MEGF11: variants seen among roughly 807,000 people sequenced by gnomAD.
MEGF11 encodes multiple EGF like domains 11.
Under a neutral mutation model 146.6 loss-of-function variants are expected in MEGF11, and 126 were observed. The ratio of observed to expected loss-of-function variants is 0.86; its 90% CI spans 0.74 to 1.00. The LOEUF is 1.00. Ranked by LOEUF, MEGF11 falls within the 50% of genes least tolerant of loss-of-function variation. The probability of loss-of-function intolerance (pLI) is 0.00; values close to 1 mark genes in which losing one functional copy is unlikely to be tolerated. For synonymous variants in MEGF11, 532 were observed against 583.4 expected, an observed-to-expected ratio of 0.91 and a Z score of 1.27; for missense variants, 1,509 against 1,521.2, an observed-to-expected ratio of 0.99 and a Z score of 0.13.
chr15:65,989,248 T>C (rs2141741868), intron 5 of MEGF11, among the ~76,000 whole-genome samples: 1 of 152,296 alleles, frequency 6.6e-6, no homozygotes, highest in East Asian at 1.9e-4. Flanking sequence ...ACAGGAATCC[T>C]GAGACCCAGC....
chr15:66,200,771 G>A (rs1030639373), intron 1 of MEGF11, among the ~76,000 whole-genome samples: 1 of 152,166 alleles, frequency 6.6e-6, no homozygotes, highest in Non-Finnish European at 1.5e-5. Context: ...GACTCCAGCG[G>A]GGTGCAGAAG....
chr15:66,056,472 T>C (rs2084679112), intron 5 of MEGF11, among the ~76,000 whole-genome samples: 1 of 152,186 alleles, frequency 6.6e-6, no homozygotes, highest in Non-Finnish European at 1.5e-5. Flanking sequence ...CCTACCCACA[T>C]GAGCCCGACA....
At chr15:66,244,886 G>A (rs1204519634) in intron 1 of MEGF11, among the ~76,000 whole-genome samples, 1 of 152,128 alleles carries the variant, frequency 6.6e-6, no homozygotes, top group Non-Finnish European at 1.5e-5. Flanking sequence ...TGGGTATAAA[G>A]ACAGATACAC....
intron 1 of MEGF11, among the ~76,000 whole-genome samples, chr15:66,197,515 C>T (rs894172683): frequency 5.9e-5 from 9 of 152,154 alleles, no homozygotes; most frequent in Admixed American, 2.6e-4. Context: ...CTCCGCCTCC[C>T]GGGTTCAAGC....
At chr15:66,246,067 G>C (rs560914685) in intron 1 of MEGF11, among the ~76,000 whole-genome samples, 2 of 151,734 alleles carry the variant, frequency 1.3e-5, no homozygotes, top group East Asian at 3.9e-4. Context: ...TCGAGACCAG[G>C]CCAACACAGT....
chr15:65,960,953 C>G (rs62014449), intron 9 of MEGF11, among the ~76,000 whole-genome samples: 2 of 152,036 alleles, frequency 1.3e-5, no homozygotes, highest in African/African-American at 2.4e-5. Flanking sequence ...TAAAATCATT[C>G]CTTTTTTTTT....
In MEGF11 at chr15:65,970,711, A is replaced by C. The variant is rs757090120; in HGVS notation, c.763-22T>G. ...CTCCCTAAAAGAAAGGTGGGAAGACATGCATGGCGGTGCTCCAGAAATGCC... is the reference window on the plus strand; with the variant it reads ...CTCCCTAAAAGAAAGGTGGGAAGACCTGCATGGCGGTGCTCCAGAAATGCC... On this transcript the variant is annotated intron_variant, in intron 7 of 25. Transcript: ENST00000395614. 3.8e-6 allele frequency: 6 copies of C among 1,598,700 alleles called. No individual in the cohort carries two copies. The Admixed American group carries it at 1.0e-4, about 28-fold the overall frequency.
In MEGF11 at chr15:66,112,075, TA is replaced by T. The variant is rs10715805; in HGVS notation, c.301+7010del. 9.2e-3 allele frequency among the ~76,000 whole-genome samples: 1,207 copies of T among 131,044 alleles called. 5 individuals carry two copies. The highest frequency in any genetic ancestry group is 0.022 in the African/African-American group (775 of 35,338). 86.0% of individuals were successfully genotyped at this position (131,044 alleles called of 152,430 possible). A position where few individuals can be genotyped will look rare whatever the true frequency, so the allele number is the denominator to read the frequency against. On this transcript the variant is annotated intron_variant, in intron 4 of 25. Transcript: ENST00000395614. ...AGGGAGGGAAGAAAGGGCTAATAGT[TA>T]AAAAAAAAAAAAAAAGTACAACCTG... is the stretch of plus-strand genomic sequence containing the variant.
intron 5 of MEGF11, among the ~76,000 whole-genome samples, chr15:65,987,933 T>C (rs954357902): frequency 6.6e-6 from 1 of 151,688 alleles, no homozygotes; most frequent in Middle Eastern, 3.4e-3. Context: ...ATGGTTTCGA[T>C]CTCCTGACCT....
At chr15:66,107,743 G>A (rs745638042) in intron 4 of MEGF11, among the ~76,000 whole-genome samples, 12 of 152,164 alleles carry the variant, frequency 7.9e-5, no homozygotes, top group African/African-American at 2.9e-4. Context: ...CTCAGGCCCT[G>A]CCCAGAGACT....
At chr15:66,035,627 T>C (rs1344493651) in intron 5 of MEGF11, among the ~76,000 whole-genome samples, 2 of 152,208 alleles carry the variant, frequency 1.3e-5, no homozygotes, top group African/African-American at 2.4e-5. Context: ...GTGTTTATGA[T>C]GACGATGAAA....
intron 5 of MEGF11, among the ~76,000 whole-genome samples, chr15:66,061,745 C>T (rs2084917225): frequency 6.6e-6 from 1 of 151,744 alleles, no homozygotes; most frequent in Non-Finnish European, 1.5e-5. Flanking sequence ...AAAAAATCCT[C>T]CCGCTTTGGC....
At chr15:65,902,549 G>A (rs76390544) in intron 24 of MEGF11, 9,376 of 152,290 alleles carry the variant, frequency 0.062, 416 homozygotes, top group Non-Finnish European at 0.092. Context: ...TGCAAGAGGG[G>A]AGGGCAGGGT....
chr15:66,253,341 T>C (rs2092403139), intron 1 of MEGF11, among the ~76,000 whole-genome samples: 1 of 152,160 alleles, frequency 6.6e-6, no homozygotes. Flanking sequence ...GCCGGAGGGC[T>C]GCGGCTGCCC....
intron 7 of MEGF11, among the ~76,000 whole-genome samples, chr15:65,976,173 G>A (rs2081439656): frequency 6.6e-6 from 1 of 151,294 alleles, no homozygotes; most frequent in East Asian, 1.9e-4. Flanking sequence ...CTCCTGAATA[G>A]CTGGGATTAC....
chr15:65,904,702 A>C (rs2141151223), intron 24 of MEGF11, among the ~76,000 whole-genome samples: 1 of 152,308 alleles, frequency 6.6e-6, no homozygotes, highest in South Asian at 2.1e-4. Flanking sequence ...GTGTTTGGGG[A>C]ATAAGCTGCA....
intron 1 of MEGF11, among the ~76,000 whole-genome samples, chr15:66,211,324 C>G (rs1487998933): frequency 6.6e-6 from 1 of 152,092 alleles, no homozygotes; most frequent in South Asian, 2.1e-4. Flanking sequence ...GAGATCGAGA[C>G]CATCTTGGCT....
At chr15:66,000,578 T>C (rs2082336455) in intron 5 of MEGF11, among the ~76,000 whole-genome samples, 1 of 152,028 alleles carries the variant, frequency 6.6e-6, no homozygotes, top group African/African-American at 2.4e-5. Flanking sequence ...CCAAGTCTGT[T>C]TTGTTCCCCA....
chr15:66,022,868 G>T (rs1032155991), intron 5 of MEGF11, among the ~76,000 whole-genome samples: 59 of 147,420 alleles, frequency 4.0e-4, no homozygotes, highest in Middle Eastern at 3.8e-3. Flanking sequence ...AAAAAAAATT[G>T]GTTGGGGGTA....
Sources: allele counts gnomAD v4.1 joint callset (sites outside exome capture counted in the v4.1 genomes callset), GRCh38; gene constraint gnomAD v4.1.1; transcripts MANE v1.5; gene names NCBI Gene and HGNC (gene_info 2026-07-23, HGNC 2026-07-21).